The following METTL16 variants were observed in gnomAD, a reference collection of about 807,000 sequenced individuals.
METTL16 encodes methyltransferase 16, RNA N6-adenosine.
METTL16 carries 19 observed loss-of-function variants against 57.9 expected under a neutral mutation model. The ratio of observed to expected loss-of-function variants is 0.33; its 90% CI spans 0.23 to 0.48. The LOEUF (loss-of-function observed/expected upper bound fraction) is 0.48. Among genes scored for constraint, METTL16 ranks in the 20% least tolerant of loss-of-function variants. The pLI is 0.99. For synonymous variants in METTL16, 246 were observed against 255.6 expected (o/e 0.96, Z 0.36); for missense variants, 434 against 691.5 (o/e 0.63, Z 4.18).
intron 2 of METTL16, among the ~76,000 whole-genome samples, chr17:2,480,090 GC>G (rs1420477226): frequency 2.0e-5 from 3 of 151,472 alleles, no homozygotes; most frequent in Admixed American, 1.3e-4. Context: ...GGAGGCTGAG[GC>G]AGGAGAATCG....
At chr17:2,435,455 A>G (rs753405746) in intron 8 of METTL16, among the ~76,000 whole-genome samples, 1 of 152,138 alleles carries the variant, frequency 6.6e-6, no homozygotes, top group Non-Finnish European at 1.5e-5. Flanking sequence ...AGGTCTAGGA[A>G]GAGGGAAGAG....
chr17:2,511,242 T>C (rs866554791), intron 1 of METTL16, among the ~76,000 whole-genome samples: 3 of 150,782 alleles, frequency 2.0e-5, no homozygotes, highest in Non-Finnish European at 4.4e-5. Context: ...CTTTCTCATC[T>C]CCATGCTTCT....
intron 2 of METTL16, among the ~76,000 whole-genome samples, chr17:2,495,425 G>C (rs1382598257): frequency 1.3e-5 from 2 of 152,056 alleles, no homozygotes; most frequent in African/African-American, 2.4e-5. Flanking sequence ...GGCTGGGTGC[G>C]GTGGCTCACG....
In METTL16 at chr17:2,472,905, A is replaced by G. The variant is rs560791072; in HGVS notation, c.469+619T>C. On this transcript the variant is annotated intron_variant, in intron 4 of 9. Coordinates refer to ENST00000263092, the MANE Select transcript of METTL16 (RefSeq NM_024086.4). ...AGGGCAGTGAAACGATTCTGTGTAT[A>G]CCGTACTGGGAGATACATGTCAGCT... Among the ~76,000 whole-genome samples the G allele has an allele frequency of 2.6e-5, 4 of 152,278 alleles. No individual in the cohort carries two copies. In the East Asian group the frequency reaches 5.8e-4, roughly 22 times the overall value.
chr17:2,499,861 C>A (rs2067474908), intron 2 of METTL16, among the ~76,000 whole-genome samples: 2 of 152,056 alleles, frequency 1.3e-5, no homozygotes, highest in South Asian at 2.1e-4. Context: ...TCAAGCAATT[C>A]TCCCTCCTCA....
In METTL16 at chr17:2,420,131, C is replaced by T; in HGVS notation, c.1528G>A (p.Val510Met). Residue 510 changes from valine to methionine, a missense_variant, in exon 10 of 10, where the codon GTG (valine) becomes ATG (methionine). Physicochemically the swap from Val to Met is conservative, Grantham distance 21. This residue lies in a region of METTL16 where 168 missense variants were observed against 149.6 expected (regional missense o/e 1.12). Transcript: ENST00000263092. This position sits in a 1 kb window ranked among gnomAD's most constrained non-coding sequence, Gnocchi z 5.4. ...VAERGKRLPG[V>M]AGQYLFKCLI... is the part of the protein sequence containing the mutation. ...CACTTAAACAGGTACTGTCCGGCCA[C>T]TCCTGGGAGACGTTTCCCCCTTTCA... 1 of 1,614,272 alleles carries T rather than the reference C, an allele frequency of 6.2e-7. No homozygotes were observed. The highest frequency in any genetic ancestry group is 8.5e-7 in the Non-Finnish European group (1 of 1,180,052).
chr17:2,417,106 C>T lies in METTL16; in HGVS notation c.*2864G>A. On this transcript the variant is annotated 3_prime_UTR_variant, in exon 10 of 10. Transcript: ENST00000263092. The stretch of plus-strand genomic sequence containing the variant: ...TTTTTGAGACAGTCCCACTTTGTCG[C>T]CCAGGCTGTAGTGCAGTGGCATTCT... The T allele has an allele frequency of 8.2e-6, 1 of 121,784 alleles. No homozygotes were observed. The highest frequency in any genetic ancestry group is 1.6e-5 in the Non-Finnish European group (1 of 60,794). 7.5% of individuals were successfully genotyped at this position (121,784 alleles called of 1,614,324 possible). A position where few individuals can be genotyped will look rare whatever the true frequency, so the allele number is the denominator to read the frequency against.
intron 1 of METTL16, among the ~76,000 whole-genome samples, chr17:2,502,596 G>A (rs1247772767): frequency 1.3e-5 from 2 of 151,994 alleles, no homozygotes; most frequent in South Asian, 2.1e-4. Flanking sequence ...GCTGAGGCAG[G>A]AGAATTGCTT....
rs557915830 is a variant in METTL16 at position 2,447,708 on chromosome 17, G to A, written c.729-6149C>T. ...CCGCCCCGTCCGGGAGGGGGGAGGG[G>A]GGGTCAGCCCCCCGCCCGGCCAGCC... On this transcript the variant is annotated intron_variant, in intron 6 of 9. Transcript: ENST00000263092. 2.7e-3 allele frequency among the ~76,000 whole-genome samples: 396 copies of A among 146,000 alleles called. 1 individual carries two copies. The highest frequency in any genetic ancestry group is 9.4e-3 in the African/African-American group (364 of 38,574).
chr17:2,477,517 T>G, intron 3 of METTL16, 169 bp downstream of exon 3: 1 of 610,118 alleles, frequency 1.6e-6, no homozygotes, highest in Non-Finnish European at 2.9e-6. Flanking sequence ...TGCTCAAAGG[T>G]TGCAGATTTT....
intron 6 of METTL16, among the ~76,000 whole-genome samples, chr17:2,448,028 AAGTGAGG>A (rs2067024373): frequency 2.4e-5 from 2 of 81,698 alleles, no homozygotes; most frequent in East Asian, 4.6e-4. Context: ...CCCTACTGGG[AAGTGAGG>A]AGCCCCTCTG....
chr17:2,451,680 AT>A (rs1426872990), intron 6 of METTL16, among the ~76,000 whole-genome samples: 1 of 152,080 alleles, frequency 6.6e-6, no homozygotes, highest in Non-Finnish European at 1.5e-5. Flanking sequence ...TTAACCAGGA[AT>A]TTAAAGCCTT....
chr17:2,442,652 A>T (rs1255745725), intron 6 of METTL16, among the ~76,000 whole-genome samples: 1 of 152,174 alleles, frequency 6.6e-6, no homozygotes. Flanking sequence ...GAAAGAGGGG[A>T]CGTCCCACAG....
intron 2 of METTL16, among the ~76,000 whole-genome samples, chr17:2,488,165 G>A (rs2067357558): frequency 6.6e-6 from 1 of 151,854 alleles, no homozygotes; most frequent in African/African-American, 2.4e-5. Context: ...AACCCCAACA[G>A]CCAAGAGGTG....
intron 6 of METTL16, among the ~76,000 whole-genome samples, chr17:2,449,389 A>G (rs1482116859): frequency 1.3e-5 from 2 of 152,180 alleles, no homozygotes; most frequent in Non-Finnish European, 1.5e-5. Context: ...ATTTTTTTCC[A>G]TAAAGACAGG....
intron 8 of METTL16, among the ~76,000 whole-genome samples, chr17:2,433,294 C>T (rs1037284771): frequency 6.6e-6 from 1 of 152,166 alleles, no homozygotes; most frequent in Non-Finnish European, 1.5e-5. Context: ...GGAGACAGTA[C>T]AGTCAGGACA....
intron 5 of METTL16, among the ~76,000 whole-genome samples, chr17:2,465,728 C>T (rs555240963): frequency 2.0e-5 from 3 of 149,660 alleles, no homozygotes; most frequent in African/African-American, 2.5e-5. Flanking sequence ...TAGCCACACG[C>T]GGTGGTGTCC....
chr17:2,447,114 G>A (rs1445897172), intron 6 of METTL16, among the ~76,000 whole-genome samples: 2 of 142,798 alleles, frequency 1.4e-5, no homozygotes, highest in Admixed American at 1.3e-4. Context: ...CTGCCCGGCC[G>A]CCGTCCCATC....
intron 2 of METTL16, among the ~76,000 whole-genome samples, chr17:2,484,318 T>A (rs1247743734): frequency 1.3e-5 from 2 of 152,106 alleles, no homozygotes; most frequent in Admixed American, 1.3e-4. Context: ...AAACAACACA[T>A]TAAAAAGTCA....
Sources: allele counts gnomAD v4.1 joint callset (sites outside exome capture counted in the v4.1 genomes callset), GRCh38; gene constraint gnomAD v4.1.1; regional missense constraint gnomAD v4.1.1; non-coding constraint Gnocchi (gnomAD v3.1); transcripts MANE v1.5; gene names NCBI Gene and HGNC (gene_info 2026-07-23, HGNC 2026-07-21).